The following NTM variants were observed in gnomAD, a reference collection of about 807,000 sequenced individuals.
The protein encoded by NTM is neurotrimin.
Under a neutral mutation model 42.1 loss-of-function variants are expected in NTM, and 13 were observed. The ratio of observed to expected loss-of-function variants is 0.31; its 90% CI spans 0.20 to 0.49. The LOEUF is 0.49. NTM is among the 20% of genes least tolerant of loss of function. The probability of loss-of-function intolerance (pLI) is 0.99; values close to 1 mark genes in which losing one functional copy is unlikely to be tolerated. For synonymous variants in NTM, 187 were observed against 179.2 expected (o/e 1.04, Z -0.35); for missense variants, 373 against 452.8 (o/e 0.82, Z 1.60).
intron 1 of NTM, among the ~76,000 whole-genome samples, chr11:131,907,384 G>A (rs1030084776): frequency 6.6e-6 from 1 of 152,200 alleles, no homozygotes; most frequent in African/African-American, 2.4e-5. Context: ...TCACCTGCCT[G>A]CCAACCATCC....
At chr11:131,761,809 CAATAAATAAATAAATAAATAAATA>C (rs200691057) in intron 1 of NTM, among the ~76,000 whole-genome samples, 2,928 of 139,246 alleles carry the variant, frequency 0.021, 102 homozygotes, top group African/African-American at 0.069. Context: ...AACTCTGTCT[CAATAAATAAATAAATAAATAAATA>C]AATAAATAAA....
At chr11:131,744,554 G>C (rs2081566975) in intron 1 of NTM, among the ~76,000 whole-genome samples, 1 of 152,110 alleles carries the variant, frequency 6.6e-6, no homozygotes, top group South Asian at 2.1e-4. Context: ...AAAGCTGTCA[G>C]GAGAGGTAAA....
intron 1 of NTM, among the ~76,000 whole-genome samples, chr11:131,505,943 G>A (rs1868308): frequency 0.13 from 19,320 of 152,010 alleles, 1,436 homozygotes; most frequent in East Asian, 0.26. Flanking sequence ...ATGTAACAGT[G>A]TGCCTCTGTT....
chr11:131,537,938 T>C (rs385190), intron 1 of NTM: 95,450 of 151,936 alleles, frequency 0.63, 34,077 homozygotes, highest in Non-Finnish European at 0.8. Flanking sequence ...AGGACAGCTG[T>C]CCTGTGAGTG....
intron 1 of NTM, among the ~76,000 whole-genome samples, chr11:131,476,276 T>C (rs545489206): frequency 6.6e-6 from 1 of 152,370 alleles, no homozygotes; most frequent in South Asian, 2.1e-4. Flanking sequence ...ACATATCAAC[T>C]CACCGTGTTA....
intron 1 of NTM, among the ~76,000 whole-genome samples, chr11:131,486,697 C>T (rs948537845): frequency 1.3e-5 from 2 of 152,236 alleles, no homozygotes; most frequent in African/African-American, 4.8e-5. Context: ...AGGTGAACAT[C>T]TCCCATCACC....
chr11:131,810,213 TC>T (rs1305226977), intron 1 of NTM, among the ~76,000 whole-genome samples: 1 of 152,048 alleles, frequency 6.6e-6, no homozygotes, highest in Non-Finnish European at 1.5e-5. Context: ...CTCCTCCACC[TC>T]CTCCTCCCAC....
At chr11:132,001,811 C>T (rs541834512) in intron 2 of NTM, among the ~76,000 whole-genome samples, 123 of 151,852 alleles carry the variant, frequency 8.1e-4, no homozygotes, top group South Asian at 2.7e-3. Context: ...TACACACAAT[C>T]GGTCAACAGT....
At chr11:131,756,161 T>C (rs2083303723) in intron 1 of NTM, among the ~76,000 whole-genome samples, 1 of 152,048 alleles carries the variant, frequency 6.6e-6, no homozygotes, top group South Asian at 2.1e-4. Context: ...ATGTCAGTGG[T>C]GGTAGGAAGG....
intron 2 of NTM, among the ~76,000 whole-genome samples, chr11:132,104,193 G>T (rs2061976551): frequency 6.6e-6 from 1 of 152,122 alleles, no homozygotes; most frequent in Non-Finnish European, 1.5e-5. Context: ...CTTAAGAGCT[G>T]GGGCATCTTT....
intron 2 of NTM, among the ~76,000 whole-genome samples, chr11:132,138,574 C>G (rs982511669): frequency 1.8e-4 from 5 of 27,956 alleles, no homozygotes; most frequent in South Asian, 8.9e-4. Context: ...ATCTATCTAT[C>G]TATCTATCTA....
intron 4 of NTM, among the ~76,000 whole-genome samples, chr11:132,281,463 G>C (rs2093968435): frequency 6.6e-6 from 1 of 152,156 alleles, no homozygotes; most frequent in South Asian, 2.1e-4. Context: ...TCACAATTCA[G>C]ATGCAAATAC....
chr11:131,821,255 G>T (rs964344918), intron 1 of NTM, among the ~76,000 whole-genome samples: 1 of 152,172 alleles, frequency 6.6e-6, no homozygotes, highest in Admixed American at 6.5e-5. Flanking sequence ...ACTCATTCCT[G>T]TTCCTACTTC....
intron 6 of NTM, chr11:132,312,644 T>TTAAG (rs879271607): frequency 1.3e-5 from 2 of 154,818 alleles, no homozygotes; most frequent in Admixed American, 1.3e-4. Context: ...CTACTTTCAG[T>TTAAG]TAAGTCTCTC....
Position 132,267,479 on chromosome 11 carries a change from ATTT to A in NTM, c.527-40197_527-40195del, listed in dbSNP as rs5795769. ...AGCCCTTATCTTGGGTTCTTGGATGATTTTTTTTTTTTTTTAATTTTCATTCAG... is the reference window on the plus strand; with the variant it reads ...AGCCCTTATCTTGGGTTCTTGGATGATTTTTTTTTTTTAATTTTCATTCAG... On this transcript the variant is annotated intron_variant, in intron 4 of 8. Transcript: ENST00000683400. Among the ~76,000 whole-genome samples, 438 of 143,720 alleles carry A rather than the reference ATTT, an allele frequency of 3.0e-3. 3 individuals are homozygous for A. The highest frequency in any genetic ancestry group is 9.4e-3 in the African/African-American group (366 of 38,882). 94.3% of individuals were successfully genotyped at this position (143,720 alleles called of 152,430 possible).
chr11:131,922,681 A>G (rs1038476924), intron 2 of NTM, among the ~76,000 whole-genome samples: 2 of 152,158 alleles, frequency 1.3e-5, no homozygotes, highest in Admixed American at 6.5e-5. Context: ...TTCTGGTGGC[A>G]TCTTGCCTGG....
At chr11:132,309,434 A>G (rs12786704) in intron 5 of NTM, among the ~76,000 whole-genome samples, 27,402 of 152,146 alleles carry the variant, frequency 0.18, 2,707 homozygotes, top group African/African-American at 0.25. Flanking sequence ...GAGGTTATAT[A>G]CTTTTGGCAA....
chr11:131,450,637 G>A (rs1565513352), intron 1 of NTM, among the ~76,000 whole-genome samples: 1 of 152,008 alleles, frequency 6.6e-6, no homozygotes, highest in Non-Finnish European at 1.5e-5. Flanking sequence ...TTAGACCACC[G>A]GCTTCTCAAG....
chr11:131,860,586 A>C (rs923777355), intron 1 of NTM, among the ~76,000 whole-genome samples: 1 of 152,184 alleles, frequency 6.6e-6, no homozygotes, highest in African/African-American at 2.4e-5. Flanking sequence ...AGCATAAACC[A>C]CATTGCTTGC....
Sources: gnomAD v4.1 joint callset for allele counts (sites outside exome capture counted in the v4.1 genomes callset) on GRCh38, gnomAD v4.1.1 for gene constraint, MANE v1.5 for transcripts, NCBI Gene and HGNC (gene_info 2026-07-23, HGNC 2026-07-21) for gene names.